The following FADS1 variants were observed in gnomAD, a reference collection of about 807,000 sequenced individuals.
The protein encoded by FADS1 is fatty acid desaturase 1, also known as acyl-CoA (8-3)-desaturase.
Under a neutral mutation model 61.6 loss-of-function variants are expected in FADS1, and 17 were observed. The ratio of observed to expected loss-of-function variants is 0.28; its 90% CI spans 0.19 to 0.41. The LOEUF (loss-of-function observed/expected upper bound fraction) is 0.41. FADS1 is among the 10% of genes least tolerant of loss of function. The probability of loss-of-function intolerance (pLI) is 1.00; values close to 1 mark genes in which losing one functional copy is unlikely to be tolerated. For missense variants in FADS1, 387 were observed against 650.9 expected (o/e 0.59, Z 4.41); for synonymous variants, 238 against 258.7 (o/e 0.92, Z 0.77).
At chr11:61,808,530 AG>A (rs1175571038) in intron 5 of FADS1, among the ~76,000 whole-genome samples, 6 of 152,078 alleles carry the variant, frequency 3.9e-5, no homozygotes, top group Admixed American at 3.3e-4. Flanking sequence ...GAGGACAAGG[AG>A]GGGCAGGGGA....
In FADS1 at chr11:61,816,165, C is replaced by A; in HGVS notation, c.375+390G>T. 2 of 1,177,104 alleles carry A rather than the reference C, an allele frequency of 1.7e-6. No individual in the cohort carries two copies. The highest frequency in any genetic ancestry group is 2.4e-6 in the Non-Finnish European group (2 of 838,960). The allele number at this position is 1,177,104 out of a possible 1,614,324, so 72.9% of individuals were successfully genotyped here. ...CATCGAGACAGGATGTGACTCCCTC[C>A]CCTGGCCACTGACCCCCTCCCTCCC... is the stretch of plus-strand genomic sequence containing the variant. On this transcript the variant is annotated intron_variant, in intron 1 of 11. Transcript: ENST00000350997. The surrounding 1 kb of genome is among the most constrained non-coding windows in gnomAD (Gnocchi z 7.0).
chr11:61,813,407 G>T (rs1219693348), intron 1 of FADS1, 54 bp from the exon 2 acceptor site: 2 of 1,036,072 alleles, frequency 1.9e-6, no homozygotes, highest in Admixed American at 1.9e-5. Flanking sequence ...CTGGACTCCG[G>T]CAGTGTTCGC....
intron 6 of FADS1, chr11:61,805,568 G>C (rs1391208893): frequency 6.6e-6 from 1 of 152,168 alleles, no homozygotes; most frequent in Non-Finnish European, 1.5e-5. Flanking sequence ...AGAGGTCTCT[G>C]CTCTACCCTT....
Position 61,800,828 on chromosome 11 carries a change from A to G in FADS1, c.*1583T>C, listed in dbSNP as rs1198640595. On this transcript the variant is annotated 3_prime_UTR_variant, in exon 12 of 12. Transcript: ENST00000350997. ...GGGGAAGCGGGTGTGAGGGCTGATGATAAGCCCTAGGAGGCTCCTGAGTCA... is the reference window on the plus strand; with the variant it reads ...GGGGAAGCGGGTGTGAGGGCTGATGGTAAGCCCTAGGAGGCTCCTGAGTCA... 2.6e-5 allele frequency: 4 copies of G among 152,412 alleles called. No individual in the cohort carries two copies. The highest frequency in any genetic ancestry group is 2.9e-5 in the Non-Finnish European group (2 of 68,052). 9.4% of individuals were successfully genotyped at this position (152,412 alleles called of 1,614,324 possible). A position where few individuals can be genotyped will look rare whatever the true frequency, so the allele number is the denominator to read the frequency against.
chr11:61,812,250 G>A lies in FADS1; in HGVS notation c.684+221C>T, dbSNP rs2066935937. On this transcript the variant is annotated intron_variant, in intron 3 of 11. Coordinates refer to ENST00000350997, the MANE Select transcript of FADS1 (RefSeq NM_013402.7). ...CCGCATAGGAAGAAGAGAACCCTTG[G>A]AGAAGCAGCTAAAAAGGCAGTGAGA... is the stretch of plus-strand genomic sequence containing the variant. Among the ~76,000 whole-genome samples, 3 of 152,340 alleles carry A rather than the reference G, an allele frequency of 2.0e-5. No individual in the cohort carries two copies. The South Asian group carries it at 6.2e-4, about 32-fold the overall frequency.
chr11:61,803,034 G>A lies in FADS1; in HGVS notation c.1326C>T (p.His442=). The A allele has an allele frequency of 6.2e-7, 1 of 1,614,138 alleles. No homozygotes were observed. Among genetic ancestry groups the A allele is most frequent in the South Asian group, 1.1e-5 (1 of 91,088 alleles). Residue 442 remains histidine, a splice_region_variant and synonymous_variant, in exon 10 of 12, where the codon CAC becomes CAT. Coordinates refer to ENST00000350997, the MANE Select transcript of FADS1 (RefSeq NM_013402.7). The surrounding 1 kb of genome is among the most constrained non-coding windows in gnomAD (Gnocchi z 4.3). ...GCTTCCCCAGGCTCCCTACTCACTG[G>A]TGCTCAATCTGGAAGTTGAGGTGTC... ...FSGHLNFQIE[H]HLFPTMPRHN... is the part of the protein sequence containing the mutation.
chr11:61,806,348 CA>C (rs59417762), intron 6 of FADS1: 16,867 of 155,982 alleles, frequency 0.11, 105 homozygotes, highest in South Asian at 0.15. Flanking sequence ...GACTCCGTCT[CA>C]AAAAAAAAAA....
rs1043128032 is a variant in FADS1, at chr11:61,802,536, G to A, written c.1455-74C>T. ...AACCCACCGGAGATGGAGCAGTGAG[G>A]TTAAGGCCTTCTTCCATCTGGAGGT... On this transcript the variant is annotated intron_variant, in intron 11 of 11. Transcript: ENST00000350997. This position sits in a 1 kb window ranked among gnomAD's most constrained non-coding sequence, Gnocchi z 4.2. 2.5e-5 allele frequency: 35 copies of A among 1,392,406 alleles called. No homozygotes were observed. The highest frequency in any genetic ancestry group is 3.4e-5 in the Non-Finnish European group (34 of 1,003,388). 86.3% of individuals were successfully genotyped at this position (1,392,406 alleles called of 1,614,324 possible).
rs746268842 is a variant in FADS1, at chr11:61,816,293, G to A, written c.375+262C>T. On this transcript the variant is annotated intron_variant, in intron 1 of 11. Transcript: ENST00000350997. This position sits in a 1 kb window ranked among gnomAD's most constrained non-coding sequence, Gnocchi z 7.0. ...CTCGGGGCTGCAGATGGAATGCACG[G>A]CAGGGAGGCGGGACCCTTTGTTTGT... 2 of 1,598,358 alleles carry A rather than the reference G, an allele frequency of 1.3e-6. No homozygotes were observed. The highest frequency in any genetic ancestry group is 2.2e-5 in the South Asian group (2 of 91,076).
chr11:61,815,932 C>T lies in FADS1; in HGVS notation c.375+623G>A. On this transcript the variant is annotated intron_variant, in intron 1 of 11. Coordinates refer to ENST00000350997, the MANE Select transcript of FADS1 (RefSeq NM_013402.7). This position sits in a 1 kb window ranked among gnomAD's most constrained non-coding sequence, Gnocchi z 6.4. ...ATTCCCAATCCCTTATGTACGCCAG[C>T]GGCCGCTTGCCCTCCCCGGCCAGCG... 1 of 354,306 alleles carries T rather than the reference C, an allele frequency of 2.8e-6. No homozygotes were observed. Among genetic ancestry groups the T allele is most frequent in the Non-Finnish European group, 5.2e-6 (1 of 190,820 alleles). The allele number at this position is 354,306 out of a possible 1,614,324, so 21.9% of individuals were successfully genotyped here.
Position 61,816,420 on chromosome 11 carries a change from G to T in FADS1, c.375+135C>A, listed in dbSNP as rs1269195222. ...CATCCGCAGGACACCCAATCACCGG[G>T]CAACAGGTATGATCAGGCGCCTCCG... is the stretch of plus-strand genomic sequence containing the variant. On this transcript the variant is annotated intron_variant, in intron 1 of 11. Coordinates refer to ENST00000350997, the MANE Select transcript of FADS1 (RefSeq NM_013402.7). The surrounding 1 kb of genome is among the most constrained non-coding windows in gnomAD (Gnocchi z 7.0). 5 of 1,598,750 alleles carry T rather than the reference G, an allele frequency of 3.1e-6. No homozygotes were observed. Among genetic ancestry groups the T allele is most frequent in the Non-Finnish European group, 2.5e-6 (3 of 1,179,802 alleles).
chr11:61,803,301 C>T lies in FADS1; in HGVS notation c.1248+62G>A. On this transcript the variant is annotated intron_variant, in intron 9 of 11. Coordinates refer to ENST00000350997, the MANE Select transcript of FADS1 (RefSeq NM_013402.7). The surrounding 1 kb of genome is among the most constrained non-coding windows in gnomAD (Gnocchi z 4.3). ...GGGGACTTTTTGTTTTTGCTGTTTT[C>T]ACCTACGCATCCTTTTCAATAGTTG... 6.9e-7 allele frequency: 1 copy of T among 1,444,326 alleles called. No individual in the cohort carries two copies. The highest frequency in any genetic ancestry group is 9.8e-7 in the Non-Finnish European group (1 of 1,025,620). 89.5% of individuals were successfully genotyped at this position (1,444,326 alleles called of 1,614,324 possible). A position where few individuals can be genotyped will look rare whatever the true frequency, so the allele number is the denominator to read the frequency against.
intron 6 of FADS1, chr11:61,806,378 G>C (rs2066894925): frequency 2.3e-6 from 1 of 431,526 alleles, no homozygotes; most frequent in Non-Finnish European, 4.2e-6. Flanking sequence ...TAAGGTTGAG[G>C]ATAAAGCAAG....
rs2066991649 is a variant in FADS1, at chr11:61,816,951, G to A, written c.-22C>T. On this transcript the variant is annotated 5_prime_UTR_variant, in exon 1 of 12. Coordinates refer to ENST00000350997, the MANE Select transcript of FADS1 (RefSeq NM_013402.7). The surrounding 1 kb of genome is among the most constrained non-coding windows in gnomAD (Gnocchi z 7.0). ...CCATTGGCCGAGCCTCGTGGCGCGG[G>A]GAGCGAGATCCCGTCCCCCGGTGGG... The A allele has an allele frequency of 3.6e-6, 5 of 1,375,028 alleles. No individual in the cohort carries two copies. The East Asian group carries it at 1.2e-4, about 34-fold the overall frequency. 85.2% of individuals were successfully genotyped at this position (1,375,028 alleles called of 1,614,324 possible).
Position 61,803,006 on chromosome 11 carries a change from C to T in FADS1, c.1328+26G>A. 1 of 1,614,090 alleles carries T rather than the reference C, an allele frequency of 6.2e-7. No homozygotes were observed. Among genetic ancestry groups the T allele is most frequent in the Non-Finnish European group, 8.5e-7 (1 of 1,179,968 alleles). On this transcript the variant is annotated intron_variant, in intron 10 of 11. Transcript: ENST00000350997. This position sits in a 1 kb window ranked among gnomAD's most constrained non-coding sequence, Gnocchi z 4.3. ...CCAACACTTACACCCTCCCCAGGACCCTGCTTCCCCAGGCTCCCTACTCAC... is the reference window on the plus strand; with the variant it reads ...CCAACACTTACACCCTCCCCAGGACTCTGCTTCCCCAGGCTCCCTACTCAC...
intron 2 of FADS1, 34 bp from the exon 3 acceptor site, chr11:61,812,702 C>T (rs1172991457): frequency 6.3e-7 from 1 of 1,581,348 alleles, no homozygotes; most frequent in South Asian, 1.1e-5. Context: ...TTATTCTTCT[C>T]ATCTGCACCC....
Position 61,802,401 on chromosome 11 carries a change from G to A in FADS1, c.*10C>T, listed in dbSNP as rs1399354038. 1.9e-6 allele frequency: 3 copies of A among 1,565,378 alleles called. No individual in the cohort carries two copies. The highest frequency in any genetic ancestry group is 1.2e-5 in the South Asian group (1 of 85,100). On this transcript the variant is annotated 3_prime_UTR_variant, in exon 12 of 12. Coordinates refer to ENST00000350997, the MANE Select transcript of FADS1 (RefSeq NM_013402.7). The surrounding 1 kb of genome is among the most constrained non-coding windows in gnomAD (Gnocchi z 4.2). ...CTCCTCTTCTTCCAGACTGGGCAGGGTGGCTGTTGTTATTGGTGAAGATAG... is the reference window on the plus strand; with the variant it reads ...CTCCTCTTCTTCCAGACTGGGCAGGATGGCTGTTGTTATTGGTGAAGATAG...
At chr11:61,808,725 T>C (rs1347833596) in intron 5 of FADS1, among the ~76,000 whole-genome samples, 1 of 152,208 alleles carries the variant, frequency 6.6e-6, no homozygotes, top group Non-Finnish European at 1.5e-5. Context: ...CCTCAGTTAA[T>C]GTTGCTCGAG....
At chr11:61,806,346 C>G (rs2066894479) in intron 6 of FADS1, 1 of 269,358 alleles carries the variant, frequency 3.7e-6, no homozygotes, top group Non-Finnish European at 7.1e-6. Flanking sequence ...AAGACTCCGT[C>G]TCAAAAAAAA....
Sources: gnomAD v4.1 joint callset for allele counts (sites outside exome capture counted in the v4.1 genomes callset) on GRCh38, gnomAD v4.1.1 for gene constraint, Gnocchi (gnomAD v3.1) non-coding constraint, MANE v1.5 for transcripts, NCBI Gene and HGNC (gene_info 2026-07-23, HGNC 2026-07-21) for gene names.